IQCM: variants seen among roughly 807,000 people sequenced by gnomAD.
IQCM encodes IQ motif containing M.
A neutral mutation model predicts 57.6 loss-of-function variants in IQCM; 45 were observed. The observed-to-expected ratio is 0.78, with a 90% CI of 0.62 to 1.00. The LOEUF is 1.00. IQCM is among the 50% of genes least tolerant of loss of function. The probability of loss-of-function intolerance (pLI) is 0.00; values close to 1 mark genes in which losing one functional copy is unlikely to be tolerated. For missense variants in IQCM, 468 were observed against 511.6 expected (o/e 0.91, Z 0.82); for synonymous variants, 148 against 158.9 (o/e 0.93, Z 0.51).
At chr4:149,682,336 C>A (rs1259627266) in intron 6 of IQCM, 130 bp from the exon 7 acceptor site, 3 of 392,878 alleles carry the variant, frequency 7.6e-6, no homozygotes, top group African/African-American at 4.1e-5. Flanking sequence ...AGGACTACAC[C>A]TGTTGTTCCC....
chr4:149,756,207 G>C (rs143635450), intron 2 of IQCM, among the ~76,000 whole-genome samples: 1 of 152,024 alleles, frequency 6.6e-6, no homozygotes, highest in South Asian at 2.1e-4. Context: ...TATACCCCCC[G>C]CCGTGCCTAC....
chr4:149,813,154 A>AT (rs1425520457), intron 2 of IQCM, among the ~76,000 whole-genome samples: 1 of 152,048 alleles, frequency 6.6e-6, no homozygotes, highest in African/African-American at 2.4e-5. Context: ...AATTTTTATT[A>AT]TTTTTTTCTT....
At chr4:149,630,047 C>T (rs532292063) in intron 7 of IQCM, among the ~76,000 whole-genome samples, 7 of 152,228 alleles carry the variant, frequency 4.6e-5, no homozygotes, top group Non-Finnish European at 8.8e-5. Flanking sequence ...CTATTACCTT[C>T]CCAGGAAAGG....
chr4:149,374,270 C>A (rs1730560855), intron 13 of IQCM, among the ~76,000 whole-genome samples: 1 of 152,128 alleles, frequency 6.6e-6, no homozygotes, highest in South Asian at 2.1e-4. Context: ...TTGTATCCAT[C>A]TATTTATTTA....
At chr4:149,510,561 A>G (rs920353898) in intron 12 of IQCM, among the ~76,000 whole-genome samples, 2 of 152,254 alleles carry the variant, frequency 1.3e-5, no homozygotes, top group East Asian at 1.9e-4. Flanking sequence ...ATCATGAGAC[A>G]TTTGTTAAAT....
chr4:149,712,925 A>G (rs906424142), intron 5 of IQCM, among the ~76,000 whole-genome samples: 1 of 152,176 alleles, frequency 6.6e-6, no homozygotes, highest in Non-Finnish European at 1.5e-5. Context: ...AGGTCAGGAT[A>G]CAAATAAGGG....
chr4:149,493,837 G>C (rs576950813), intron 12 of IQCM, among the ~76,000 whole-genome samples: 77 of 151,882 alleles, frequency 5.1e-4, no homozygotes, highest in African/African-American at 1.5e-3. Flanking sequence ...AAAAATAGGT[G>C]GGTGCGAGTA....
At chr4:149,684,621 T>C (rs1762420905) in intron 6 of IQCM, among the ~76,000 whole-genome samples, 1 of 151,464 alleles carries the variant, frequency 6.6e-6, no homozygotes, top group Admixed American at 6.6e-5. Flanking sequence ...TCTTTTCTTC[T>C]GCTTATATTC....
At chr4:149,617,042 A>G (rs2654823) in intron 8 of IQCM, among the ~76,000 whole-genome samples, 33,243 of 150,548 alleles carry the variant, frequency 0.22, 4,341 homozygotes, top group Non-Finnish European at 0.28. Context: ...CACAATCTCT[A>G]CCTCCTGGGT....
intron 8 of IQCM, among the ~76,000 whole-genome samples, chr4:149,620,413 A>T (rs1756228322): frequency 6.6e-6 from 1 of 152,210 alleles, no homozygotes; most frequent in Non-Finnish European, 1.5e-5. Flanking sequence ...AGAGAAAAAG[A>T]TAAAGAAGAT....
At chr4:149,814,433 C>A (rs760404987) in intron 2 of IQCM, among the ~76,000 whole-genome samples, 26 of 151,914 alleles carry the variant, frequency 1.7e-4, no homozygotes, top group Non-Finnish European at 3.1e-4. Flanking sequence ...ACAGTCCATT[C>A]TGAAAGAACA....
At chr4:149,530,173 C>T (rs1446846259) in intron 12 of IQCM, among the ~76,000 whole-genome samples, 1 of 152,110 alleles carries the variant, frequency 6.6e-6, no homozygotes, top group African/African-American at 2.4e-5. Flanking sequence ...TATCTTCTTA[C>T]CTTGCTTTAG....
chr4:149,587,745 C>T (rs1486440326), intron 9 of IQCM, among the ~76,000 whole-genome samples, 185 bp downstream of exon 9: 1 of 151,702 alleles, frequency 6.6e-6, no homozygotes, highest in African/African-American at 2.4e-5. Context: ...CTAAAACACT[C>T]AAAAAACTGT....
At position 149,495,814 on chromosome 4, in the gene IQCM, G is replaced by A. The variant is rs368658663; in HGVS notation, c.1228+52641C>T. ...TTTGGGAAAATACTTCTCCTCAGAT[G>A]TAATTTTGCCTAAGTCATGATATGC... On this transcript the variant is annotated intron_variant, in intron 12 of 13. Coordinates refer to ENST00000636793, the MANE Select transcript of IQCM (RefSeq NM_001363507.2). Among the ~76,000 whole-genome samples the A allele has an allele frequency of 2.2e-4, 33 of 152,248 alleles. No homozygotes were observed. The Middle Eastern group carries it at 0.01, about 47-fold the overall frequency.
At chr4:149,470,237 T>A (rs760754604) in intron 12 of IQCM, among the ~76,000 whole-genome samples, 3 of 150,902 alleles carry the variant, frequency 2.0e-5, no homozygotes, top group Non-Finnish European at 4.4e-5. Flanking sequence ...CCATCTCACA[T>A]GCAGAGACAC....
At chr4:149,679,118 A>G (rs970775341) in intron 7 of IQCM, among the ~76,000 whole-genome samples, 2 of 151,712 alleles carry the variant, frequency 1.3e-5, no homozygotes, top group Admixed American at 1.3e-4. Context: ...CAGACAAAAT[A>G]TGGAATCAAC....
intron 9 of IQCM, among the ~76,000 whole-genome samples, chr4:149,585,274 G>A (rs1192600780): frequency 6.6e-6 from 1 of 151,586 alleles, no homozygotes; most frequent in African/African-American, 2.4e-5. Flanking sequence ...TCTGCCTCAT[G>A]CAGGCTGTAA....
chr4:149,539,633 G>A (rs1043868211), intron 12 of IQCM, among the ~76,000 whole-genome samples: 1 of 152,134 alleles, frequency 6.6e-6, no homozygotes, highest in Non-Finnish European at 1.5e-5. Flanking sequence ...GGCCAAGGCA[G>A]ACAGATCGTC....
chr4:149,551,494 A>C (rs1185389161), intron 11 of IQCM, among the ~76,000 whole-genome samples: 1 of 152,222 alleles, frequency 6.6e-6, no homozygotes, highest in African/African-American at 2.4e-5. Flanking sequence ...AACGTTAAAA[A>C]ATCAATTAAG....
Sources: gnomAD v4.1 joint callset for allele counts (sites outside exome capture counted in the v4.1 genomes callset) on GRCh38, gnomAD v4.1.1 for gene constraint, MANE v1.5 for transcripts, NCBI Gene and HGNC (gene_info 2026-07-23, HGNC 2026-07-21) for gene names.